SYTL2: variants seen among roughly 807,000 people sequenced by gnomAD.
The protein encoded by SYTL2 is synaptotagmin like 2.
In SYTL2, 165 loss-of-function variants were observed where a neutral mutation model predicts 198.7. That is an observed-to-expected ratio of 0.83 (90% CI 0.73 to 0.94). The LOEUF (loss-of-function observed/expected upper bound fraction) is 0.94, where lower values mean the gene tolerates loss of function less well. Ranked by LOEUF, SYTL2 falls within the 40% of genes least tolerant of loss-of-function variation. The pLI is 0.00. For missense variants in SYTL2, 2,835 were observed against 2,582.8 expected (o/e 1.10, Z -2.12); for synonymous variants, 966 against 917.7 (o/e 1.05, Z -0.95).
At chr11:85,722,464 G>C (rs536582910) in intron 8 of SYTL2, among the ~76,000 whole-genome samples, 2 of 151,962 alleles carry the variant, frequency 1.3e-5, no homozygotes, top group African/African-American at 2.4e-5. Flanking sequence ...GTGAGCCACC[G>C]TGCCCAGCCT....
intron 7 of SYTL2, among the ~76,000 whole-genome samples, chr11:85,728,181 G>C (rs961896388): frequency 9.9e-5 from 15 of 152,162 alleles, no homozygotes; most frequent in African/African-American, 3.1e-4. Flanking sequence ...AGGAAATGTA[G>C]AGACCTGGAA....
chr11:85,841,215 G>A, the SYTL2 span, among the ~76,000 whole-genome samples: 1 of 152,204 alleles, frequency 6.6e-6, no homozygotes, highest in South Asian at 2.1e-4. Flanking sequence ...ATTATACAAG[G>A]TTGGTGGGAG....
At position 85,707,421 on chromosome 11, in the gene SYTL2, A is replaced by G. The variant is rs370511767; in HGVS notation, c.6018+8T>C. Reference sequence around the variant, plus strand: ...TAGGATTTTCCTATAGAGAGAGTTCATAGATACCCGCAGTATTTCGTTATA... The same window carrying G: ...TAGGATTTTCCTATAGAGAGAGTTCGTAGATACCCGCAGTATTTCGTTATA... On this transcript the variant is annotated splice_region_variant and intron_variant, in intron 15 of 19. Coordinates refer to ENST00000359152, the MANE Select transcript of SYTL2 (RefSeq NM_206927.4). The G allele has an allele frequency of 1.1e-5, 18 of 1,596,358 alleles. No individual in the cohort carries two copies. The highest frequency in any genetic ancestry group is 1.4e-5 in the Non-Finnish European group (16 of 1,164,310).
At chr11:85,808,033 T>G (rs2092982114) in intron 1 of SYTL2, among the ~76,000 whole-genome samples, 1 of 152,176 alleles carries the variant, frequency 6.6e-6, no homozygotes, top group Admixed American at 6.5e-5. Context: ...AGTTTTGCTT[T>G]AATTATTTGA....
At chr11:85,789,267 ATGTGTG>A (rs569747307) in intron 1 of SYTL2, among the ~76,000 whole-genome samples, 2 of 128,496 alleles carry the variant, frequency 1.6e-5, no homozygotes, top group East Asian at 2.3e-4. Context: ...TGGCTGATGT[ATGTGTG>A]TGTGTGTGTA....
intron 1 of SYTL2, among the ~76,000 whole-genome samples, chr11:85,763,562 CT>C (rs1205316734): frequency 1.3e-5 from 2 of 152,172 alleles, no homozygotes; most frequent in Non-Finnish European, 2.9e-5. Flanking sequence ...CAGATAGCAT[CT>C]TCTGCTTTCC....
chr11:85,841,606 G>A, the SYTL2 span, among the ~76,000 whole-genome samples: 3 of 152,154 alleles, frequency 2.0e-5, no homozygotes, highest in Non-Finnish European at 2.9e-5. Context: ...ATTTATAAGT[G>A]GGAGCTAAAT....
chr11:85,725,424 T>C lies in SYTL2; in HGVS notation c.3934A>G (p.Thr1312Ala), dbSNP rs1197344979. 6.2e-7 allele frequency: 1 copy of C among 1,614,080 alleles called. No individual in the cohort carries two copies. Among genetic ancestry groups the C allele is most frequent in the Non-Finnish European group, 8.5e-7 (1 of 1,179,998 alleles). ...GAACCCTTTCTGGAAAGCTGGGAAG[T>C]TGGATCCAATGGATGAGAATCTTCT... is the stretch of plus-strand genomic sequence containing the variant. Reference protein sequence around the residue: ...AAEDSHPLDPTSQLSRKGSFG... With the variant: ...AAEDSHPLDPASQLSRKGSFG... Residue 1312 changes from threonine (T) to alanine (A), a missense_variant, in exon 8 of 20, where the codon ACT becomes GCT. By Grantham distance (58) the Thr-to-Ala change is moderately conservative. Coordinates refer to ENST00000359152, the MANE Select transcript of SYTL2 (RefSeq NM_206927.4).
At chr11:85,781,491 A>G (rs1238118753) in intron 1 of SYTL2, among the ~76,000 whole-genome samples, 3 of 152,136 alleles carry the variant, frequency 2.0e-5, no homozygotes, top group Non-Finnish European at 4.4e-5. Flanking sequence ...AAAACCAGTT[A>G]TGCCCTCCCA....
chr11:85,700,327 T>TC (rs2153372999), intron 17 of SYTL2, among the ~76,000 whole-genome samples, 188 bp downstream of exon 17: 1 of 135,662 alleles, frequency 7.4e-6, no homozygotes, highest in African/African-American at 3.8e-5. Flanking sequence ...TTTTCTTTTT[T>TC]TTTTTTTTTT....
At chr11:85,833,382 CAT>C in the SYTL2 span, among the ~76,000 whole-genome samples, 235 of 146,910 alleles carry the variant, frequency 1.6e-3, 1 homozygote, top group Admixed American at 3.2e-3. Context: ...TGATATATCT[CAT>C]ATATATATCA....
chr11:85,814,492 T>C (rs1205167684), upstream of SYTL2, among the ~76,000 whole-genome samples: 1 of 152,256 alleles, frequency 6.6e-6, no homozygotes, highest in Non-Finnish European at 1.5e-5. Flanking sequence ...GAAAGAGTTT[T>C]GTAGGTAGAC....
In SYTL2 at chr11:85,721,105, T is replaced by C. The variant is rs2088250887; in HGVS notation, c.5327-146A>G. ...GAAGCACTTATTTCACAGAAGAAAA[T>C]AAAATTTCTCCACTATTAATATGCT... On this transcript the variant is annotated intron_variant, in intron 8 of 19. Transcript: ENST00000359152. The C allele has an allele frequency of 8.6e-6, 5 of 583,064 alleles. No homozygotes were observed. In the South Asian group the frequency reaches 9.0e-5, roughly 11 times the overall value. 36.1% of individuals were successfully genotyped at this position (583,064 alleles called of 1,614,324 possible).
rs1298559918 is a variant in SYTL2, at chr11:85,726,956, C to T, written c.2402G>A (p.Gly801Glu). The T allele has an allele frequency of 6.5e-7, 1 of 1,536,536 alleles. No homozygotes were observed. Among genetic ancestry groups the T allele is most frequent in the East Asian group, 2.4e-5 (1 of 40,932 alleles). ...AGTTATCTTAGCACCAGCTTTCTCT[C>T]CTTCCCAAAAGGATATTCTGTCACT... is the stretch of plus-strand genomic sequence containing the variant. ...RVSDRISFWE[G>E]EKAGAKITHE... The change falls in exon 8 of 20, where the codon GGA becomes GAA. Residue 801 changes from glycine (G) to glutamate (E), a missense_variant. Gly to Glu is a moderately conservative substitution (Grantham distance 98, BLOSUM62 -2). Coordinates refer to ENST00000359152, the MANE Select transcript of SYTL2 (RefSeq NM_206927.4).
At chr11:85,771,081 T>C (rs1035906938) in intron 1 of SYTL2, among the ~76,000 whole-genome samples, 4 of 152,236 alleles carry the variant, frequency 2.6e-5, no homozygotes, top group African/African-American at 9.6e-5. Context: ...CTTATAGATA[T>C]ATCAAATTCC....
rs114181243 is a variant in SYTL2, at chr11:85,756,054, C to T, written c.101+1571G>A. 4.2e-3 allele frequency among the ~76,000 whole-genome samples: 646 copies of T among 152,300 alleles called. 7 individuals are homozygous for T. Among genetic ancestry groups the T allele is most frequent in the African/African-American group, 0.015 (625 of 41,568 alleles). ...TCAATATTTTCTCTATGCTCCCCCA[C>T]CTCCTGCCCTTACTCCTCAATGGTT... On this transcript the variant is annotated intron_variant, in intron 2 of 19. Transcript: ENST00000359152.
At position 85,727,525 on chromosome 11, in the gene SYTL2, G is replaced by T; in HGVS notation, c.1833C>A (p.Ile611=). The T allele has an allele frequency of 6.5e-7, 1 of 1,536,010 alleles. No homozygotes were observed. The highest frequency in any genetic ancestry group is 1.2e-5 in the South Asian group (1 of 84,044). The change falls in exon 8 of 20, where the codon ATC becomes ATA. Residue 611 remains isoleucine, a synonymous_variant. Transcript: ENST00000359152. ...GGGACAAATTCATGAATTTGGATTTGATATTCACATTATTATCTTGGCAAC... is the reference window on the plus strand; with the variant it reads ...GGGACAAATTCATGAATTTGGATTTTATATTCACATTATTATCTTGGCAAC... ...SESCQDNNVN[I]KSKFMNLSQK...
At chr11:85,813,716 T>TTTCC (rs539849388), upstream of SYTL2, among the ~76,000 whole-genome samples, 5,248 of 107,086 alleles carry the variant, frequency 0.049, 159 homozygotes, top group African/African-American at 0.078. Flanking sequence ...CCCTCCCTCC[T>TTTCC]TTCCTTCCTT....
the SYTL2 span, among the ~76,000 whole-genome samples, chr11:85,851,902 T>C: frequency 2.6e-5 from 4 of 152,250 alleles, no homozygotes; most frequent in Admixed American, 1.3e-4. Flanking sequence ...GATGATGTTA[T>C]TTTAGGGAAA....
Sources: gnomAD v4.1 joint callset for allele counts (sites outside exome capture counted in the v4.1 genomes callset) on GRCh38, gnomAD v4.1.1 for gene constraint, MANE v1.5 for transcripts, NCBI Gene and HGNC (gene_info 2026-07-23, HGNC 2026-07-21) for gene names.